Variants in DCHS2 observed in about 807,000 individuals in gnomAD.
DCHS2 encodes the protein protocadherin-23.
Under a neutral mutation model 182.4 loss-of-function variants are expected in DCHS2, and 142 were observed. The ratio of observed to expected loss-of-function variants is 0.78; its 90% CI spans 0.68 to 0.89. The LOEUF (loss-of-function observed/expected upper bound fraction) is 0.89. Among genes scored for constraint, DCHS2 ranks in the 40% least tolerant of loss-of-function variants. The pLI is 0.00. For missense variants in DCHS2, 4,319 were observed against 4,198.6 expected (o/e 1.03, Z -0.79); for synonymous variants, 1,740 against 1,663.3 (o/e 1.05, Z -1.12).
chr4:154,322,666 T>A, intron 7 of DCHS2, 178 bp from the exon 8 acceptor site: 1 of 814,336 alleles, frequency 1.2e-6, no homozygotes. Flanking sequence ...AAATTTTTAT[T>A]ATGGAAAATG....
chr4:154,420,078 A>G (rs892512942), intron 1 of DCHS2, among the ~76,000 whole-genome samples: 2 of 152,152 alleles, frequency 1.3e-5, no homozygotes, highest in Non-Finnish European at 2.9e-5. Context: ...ACAGGTAGAA[A>G]TAGTCAAGGC....
Position 154,269,930 on chromosome 4 carries a change from C to T in DCHS2, c.6547G>A (p.Asp2183Asn). 3.1e-6 allele frequency: 5 copies of T among 1,612,464 alleles called. No homozygotes were observed. Among genetic ancestry groups the T allele is most frequent in the South Asian group, 1.1e-5 (1 of 90,948 alleles). ...TTAGAGCACAGGGAAAGAACTCCAT[C>T]TTCATTTCCACTAAAAATTGAATAT... ...MKYSIFSGNEDGVLSLCSKSG... is the reference protein window; with the variant it reads ...MKYSIFSGNENGVLSLCSKSG... Residue 2183 changes from aspartate (D) to asparagine (N), a missense_variant, in exon 14 of 20, where the codon GAT becomes AAT. Transcript: ENST00000357232.
intron 1 of DCHS2, among the ~76,000 whole-genome samples, chr4:154,393,204 G>A (rs985822868): frequency 2.0e-5 from 3 of 152,278 alleles, no homozygotes; most frequent in African/African-American, 7.2e-5. Flanking sequence ...AATGTTTTCA[G>A]CCCAGAAGAG....
chr4:154,491,688 T>G lies in DCHS2; in HGVS notation c.-333A>C. On this transcript the variant is annotated 5_prime_UTR_variant, in exon 1 of 20. Transcript: ENST00000357232. Reference sequence around the variant, plus strand: ...TTCCTTGTTCTACTCGGCTGGTTGTTCCCCCCTGGTAAAGTCAGGTGCATT... The same window carrying G: ...TTCCTTGTTCTACTCGGCTGGTTGTGCCCCCCTGGTAAAGTCAGGTGCATT... The G allele has an allele frequency of 8.8e-7, 1 of 1,137,934 alleles. No individual in the cohort carries two copies. Among genetic ancestry groups the G allele is most frequent in the Non-Finnish European group, 1.1e-6 (1 of 929,506 alleles). 70.5% of individuals were successfully genotyped at this position (1,137,934 alleles called of 1,614,324 possible).
At chr4:154,437,389 G>T (rs1733823399) in intron 1 of DCHS2, among the ~76,000 whole-genome samples, 1 of 152,156 alleles carries the variant, frequency 6.6e-6, no homozygotes, top group Admixed American at 6.5e-5. Flanking sequence ...GACAGGGAAG[G>T]GAAGGCAGCG....
intron 1 of DCHS2, among the ~76,000 whole-genome samples, chr4:154,434,616 T>C (rs2110942423): frequency 6.6e-6 from 1 of 152,272 alleles, no homozygotes; most frequent in South Asian, 2.1e-4. Flanking sequence ...TTTTTTTTAT[T>C]ATAACTAACC....
At chr4:154,454,299 A>G (rs551861156) in intron 1 of DCHS2, among the ~76,000 whole-genome samples, 43 of 152,252 alleles carry the variant, frequency 2.8e-4, no homozygotes, top group African/African-American at 9.9e-4. Context: ...GCTGAAGTTC[A>G]GTGGCATGAA....
intron 16 of DCHS2, among the ~76,000 whole-genome samples, chr4:154,246,589 T>A (rs913672157): frequency 1.3e-5 from 2 of 152,038 alleles, no homozygotes; most frequent in African/African-American, 2.4e-5. Flanking sequence ...AGGAACCCAG[T>A]GGAAACAGAT....
chr4:154,445,808 C>CAAAAAAA (rs11335225), intron 1 of DCHS2, among the ~76,000 whole-genome samples: 4 of 110,816 alleles, frequency 3.6e-5, no homozygotes, highest in African/African-American at 1.3e-4. Flanking sequence ...AAGACACTGT[C>CAAAAAAA]AAAAAAAAAA....
At chr4:154,302,369 G>T (rs186573416) in intron 12 of DCHS2, among the ~76,000 whole-genome samples, 36 of 152,330 alleles carry the variant, frequency 2.4e-4, no homozygotes, top group African/African-American at 8.2e-4. Flanking sequence ...CTTGGTTTGT[G>T]CAGGGTGGTT....
intron 16 of DCHS2, among the ~76,000 whole-genome samples, chr4:154,246,626 A>G (rs193279397): frequency 1.7e-3 from 264 of 152,300 alleles, no homozygotes; most frequent in African/African-American, 6.1e-3. Context: ...GAAAATTTAA[A>G]ACAATTCTAA....
rs1430318971 is a variant in DCHS2, at chr4:154,259,589, C to G, written c.6745G>C (p.Ala2249Pro). The G allele has an allele frequency of 6.2e-7, 1 of 1,613,652 alleles. No homozygotes were observed. Residue 2249 changes from alanine to proline, a missense_variant, in exon 15 of 20, where the codon GCA becomes CCA. Physicochemically the swap from Ala to Pro is conservative, Grantham distance 27. Coordinates refer to ENST00000357232, the MANE Select transcript of DCHS2 (RefSeq NM_001358235.2). The part of the protein sequence containing the change: ...SPCFEQSIYQ[A>P]SVSESQLYNA... ...TAGAGTTGGCTTTCAGACACTGATG[C>G]CTGGTAAATGCTTTGTTCAAAGCAT...
At chr4:154,465,281 T>G (rs1735192856) in intron 1 of DCHS2, among the ~76,000 whole-genome samples, 1 of 152,112 alleles carries the variant, frequency 6.6e-6, no homozygotes, top group African/African-American at 2.4e-5. Context: ...AGTTCCTCAC[T>G]GTGTGGGTTC....
rs1578974576 is a variant in DCHS2, at chr4:154,332,341, C to T, written c.3730+137G>A. 1.6e-5 allele frequency: 11 copies of T among 672,374 alleles called. No individual in the cohort carries two copies. The East Asian group carries it at 2.8e-4, about 17-fold the overall frequency. 41.7% of individuals were successfully genotyped at this position (672,374 alleles called of 1,614,324 possible). Reference sequence around the variant, plus strand: ...CCATTATTTCAATTGCATGTATGCACTAATGCTATACCTAACGACTTGAGT... The same window carrying T: ...CCATTATTTCAATTGCATGTATGCATTAATGCTATACCTAACGACTTGAGT... On this transcript the variant is annotated intron_variant, in intron 5 of 19. Coordinates refer to ENST00000357232, the MANE Select transcript of DCHS2 (RefSeq NM_001358235.2).
rs1232331223 is a variant in DCHS2 at position 154,237,165 on chromosome 4, A to C, written c.7493-6T>G. 6.2e-7 allele frequency: 1 copy of C among 1,600,298 alleles called. No homozygotes were observed. The highest frequency in any genetic ancestry group is 1.3e-5 in the African/African-American group (1 of 74,500). Reference sequence around the variant, plus strand: ...ACTGATAGTAAATATTGTGCCTGAAAAATAAGACATAGTATTTCAACACTG... The same window carrying C: ...ACTGATAGTAAATATTGTGCCTGAACAATAAGACATAGTATTTCAACACTG... On this transcript the variant is annotated splice_region_variant and splice_polypyrimidine_tract_variant and intron_variant, in intron 19 of 19. Coordinates refer to ENST00000357232, the MANE Select transcript of DCHS2 (RefSeq NM_001358235.2).
At chr4:154,383,579 G>A (rs1480825276) in intron 1 of DCHS2, among the ~76,000 whole-genome samples, 2 of 152,146 alleles carry the variant, frequency 1.3e-5, no homozygotes, top group African/African-American at 4.8e-5. Context: ...CATGAAGACA[G>A]GAGACAAATT....
intron 5 of DCHS2, 92 bp downstream of exon 5, chr4:154,332,386 T>C: frequency 8.4e-7 from 1 of 1,194,538 alleles, no homozygotes; most frequent in Non-Finnish European, 1.2e-6. Flanking sequence ...CCTGATTTTG[T>C]TTAATTTTTT....
chr4:154,486,235 G>A (rs192218611), intron 1 of DCHS2, among the ~76,000 whole-genome samples: 1 of 152,278 alleles, frequency 6.6e-6, no homozygotes, highest in East Asian at 1.9e-4. Context: ...TCACTCATAA[G>A]TCTTTGGAAA....
At chr4:154,325,902 T>C (rs1736263389) in intron 7 of DCHS2, among the ~76,000 whole-genome samples, 2 of 152,234 alleles carry the variant, frequency 1.3e-5, no homozygotes, top group South Asian at 4.1e-4. Flanking sequence ...TCAAATTCTT[T>C]TTATCTTCTG....
Sources: allele counts gnomAD v4.1 joint callset (sites outside exome capture counted in the v4.1 genomes callset), GRCh38; gene constraint gnomAD v4.1.1; transcripts MANE v1.5; gene names NCBI Gene and HGNC (gene_info 2026-07-23, HGNC 2026-07-21).